The following ACOXL variants were observed in gnomAD, a reference collection of about 807,000 sequenced individuals.
The protein encoded by ACOXL is acyl-coenzyme A oxidase-like protein.
Under a neutral mutation model 71.9 loss-of-function variants are expected in ACOXL, and 70 were observed. The ratio of observed to expected loss-of-function variants is 0.97; its 90% CI spans 0.80 to 1.19. The LOEUF is 1.19. Ranked by LOEUF, ACOXL falls within the 50% of genes most tolerant of loss-of-function variation. The pLI is 0.00. For synonymous variants in ACOXL, 253 were observed against 281.6 expected, an observed-to-expected ratio of 0.90 and a Z score of 1.02; for missense variants, 703 against 736.3, an observed-to-expected ratio of 0.95 and a Z score of 0.52.
intron 10 of ACOXL, among the ~76,000 whole-genome samples, chr2:110,860,907 G>A (rs904498269): frequency 2.0e-5 from 3 of 152,344 alleles, no homozygotes; most frequent in East Asian, 3.9e-4. Flanking sequence ...ACAGATCGGA[G>A]TCCTGCTGGA....
intron 16 of ACOXL, among the ~76,000 whole-genome samples, chr2:111,053,475 C>T (rs534468115): frequency 6.6e-6 from 1 of 152,302 alleles, no homozygotes; most frequent in South Asian, 2.1e-4. Flanking sequence ...TTGGGTCAGC[C>T]TAGATTTGAA....
intron 9 of ACOXL, among the ~76,000 whole-genome samples, chr2:110,826,923 G>A (rs1689232161): frequency 6.6e-6 from 1 of 151,988 alleles, no homozygotes; most frequent in African/African-American, 2.4e-5. Flanking sequence ...CCCACAGTTG[G>A]GTGCTCTGTT....
chr2:110,985,821 G>A (rs1400677194), intron 12 of ACOXL, among the ~76,000 whole-genome samples: 2 of 152,188 alleles, frequency 1.3e-5, no homozygotes, highest in Admixed American at 6.5e-5. Context: ...ACGGGGTATG[G>A]CACAGTCCTC....
At chr2:110,950,562 G>A (rs372977086) in intron 12 of ACOXL, among the ~76,000 whole-genome samples, 1 of 152,034 alleles carries the variant, frequency 6.6e-6, no homozygotes, top group Non-Finnish European at 1.5e-5. Context: ...TTTGATCCAC[G>A]GTATGTTGTT....
chr2:110,743,193 G>A (rs1677761127), intron 1 of ACOXL, among the ~76,000 whole-genome samples: 1 of 152,202 alleles, frequency 6.6e-6, no homozygotes, highest in Non-Finnish European at 1.5e-5. Context: ...ATGCTTTTGA[G>A]TTTCATTCTA....
At chr2:110,857,706 A>G (rs1573862269) in intron 10 of ACOXL, among the ~76,000 whole-genome samples, 1 of 151,900 alleles carries the variant, frequency 6.6e-6, no homozygotes, top group Non-Finnish European at 1.5e-5. Context: ...TTTATTTTTA[A>G]CATAGTTTTT....
intron 1 of ACOXL, among the ~76,000 whole-genome samples, chr2:110,766,286 T>G (rs996694814): frequency 6.6e-6 from 1 of 152,238 alleles, no homozygotes; most frequent in Non-Finnish European, 1.5e-5. Context: ...TTGGATATTT[T>G]ATTATGTTGC....
intron 10 of ACOXL, among the ~76,000 whole-genome samples, chr2:110,874,731 G>A (rs1695690603): frequency 1.3e-5 from 2 of 152,200 alleles, no homozygotes; most frequent in Admixed American, 1.3e-4. Context: ...TCACGGTGGA[G>A]GCCGTGAGGG....
intron 9 of ACOXL, among the ~76,000 whole-genome samples, chr2:110,824,749 G>C (rs1157588713): frequency 6.6e-6 from 1 of 152,080 alleles, no homozygotes; most frequent in African/African-American, 2.4e-5. Flanking sequence ...ACCTCATGGA[G>C]TATGGCAATA....
At chr2:110,936,843 T>C (rs2060682129) in intron 12 of ACOXL, among the ~76,000 whole-genome samples, 1 of 123,422 alleles carries the variant, frequency 8.1e-6, no homozygotes, top group South Asian at 3.0e-4. Flanking sequence ...AACCACTTAT[T>C]TTAGGGATTT....
chr2:110,791,577 G>A (rs72832822), intron 3 of ACOXL, among the ~76,000 whole-genome samples: 5,655 of 152,282 alleles, frequency 0.037, 136 homozygotes, highest in African/African-American at 0.056. Flanking sequence ...CAGTGCCTGC[G>A]ATGATTCTGT....
chr2:110,911,882 A>C (rs993889800), intron 11 of ACOXL, among the ~76,000 whole-genome samples: 12 of 152,194 alleles, frequency 7.9e-5, no homozygotes, highest in African/African-American at 2.9e-4. Flanking sequence ...CAAGGAAAAT[A>C]ATAAAAGTCA....
At chr2:110,916,240 T>C (rs1283240478) in intron 11 of ACOXL, among the ~76,000 whole-genome samples, 1 of 128,044 alleles carries the variant, frequency 7.8e-6, no homozygotes, top group East Asian at 2.2e-4. Context: ...TGTGGCTTCC[T>C]TTTTTTTTTC....
chr2:110,848,891 A>G (rs1249171523), intron 10 of ACOXL, among the ~76,000 whole-genome samples: 3 of 152,190 alleles, frequency 2.0e-5, no homozygotes, highest in African/African-American at 2.4e-5. Context: ...TGTAGACAGC[A>G]GAATCCTGAC....
At chr2:111,057,881 C>G (rs2066624072) in intron 16 of ACOXL, among the ~76,000 whole-genome samples, 1 of 152,196 alleles carries the variant, frequency 6.6e-6, no homozygotes, top group Admixed American at 6.5e-5. Context: ...GGAGAACCAG[C>G]TAGGAAGTAC....
At chr2:110,874,658 A>G (rs10185326) in intron 10 of ACOXL, among the ~76,000 whole-genome samples, 46,786 of 152,024 alleles carry the variant, frequency 0.31, 7,525 homozygotes, top group Non-Finnish European at 0.35. Flanking sequence ...TGGTGCTACC[A>G]CATGACAGTG....
At chr2:110,823,146 G>C (rs1055117044) in intron 9 of ACOXL, among the ~76,000 whole-genome samples, 1 of 151,922 alleles carries the variant, frequency 6.6e-6, no homozygotes, top group Non-Finnish European at 1.5e-5. Context: ...CCAGCTACTC[G>C]GGAGGCTGAG....
At chr2:110,753,074 ACCT>A (rs1679214062) in intron 1 of ACOXL, among the ~76,000 whole-genome samples, 1 of 151,716 alleles carries the variant, frequency 6.6e-6, no homozygotes, top group African/African-American at 2.4e-5. Context: ...CTTGGTGCTG[ACCT>A]CCTGCTGGTG....
At chr2:110,749,069 A>G (rs1475451157) in intron 1 of ACOXL, among the ~76,000 whole-genome samples, 1 of 152,210 alleles carries the variant, frequency 6.6e-6, no homozygotes, top group Non-Finnish European at 1.5e-5. Flanking sequence ...GCTACCTGGA[A>G]TCATTCTGTG....
Sources: allele counts gnomAD v4.1 joint callset (sites outside exome capture counted in the v4.1 genomes callset), GRCh38; gene constraint gnomAD v4.1.1; transcripts MANE v1.5; gene names NCBI Gene and HGNC (gene_info 2026-07-23, HGNC 2026-07-21).